The following KCND3 variants were observed in gnomAD, a reference collection of about 807,000 sequenced individuals.
The protein encoded by KCND3 is potassium voltage-gated channel subfamily D member 3, also known as A-type voltage-gated potassium channel KCND3.
In KCND3, 9 loss-of-function variants were observed where a neutral mutation model predicts 51.1. The ratio of observed to expected loss-of-function variants is 0.18; its 90% CI spans 0.11 to 0.31. The LOEUF is 0.31. KCND3 is among the 10% of genes least tolerant of loss of function. The pLI, the probability that KCND3 is intolerant of heterozygous loss-of-function variation, is 1.00. For synonymous variants in KCND3, 349 were observed against 368.0 expected (o/e 0.95, Z 0.59); for missense variants, 526 against 903.8 (o/e 0.58, Z 5.36).
Position 111,771,622 on chromosome 1 carries a change from AT to A in KCND3, c.*4454del, listed in dbSNP as rs1175658590. ...TTAAGTACATAATGTCCCAATGTAC[AT>A]TTTCCTTGTCTACAATCTAATAAGT... On this transcript the variant is annotated 3_prime_UTR_variant, in exon 8 of 8. Coordinates refer to ENST00000302127, the MANE Select transcript of KCND3 (RefSeq NM_001378969.1). 1.3e-5 allele frequency: 2 copies of A among 152,208 alleles called. No individual in the cohort carries two copies. The highest frequency in any genetic ancestry group is 4.8e-5 in the African/African-American group (2 of 41,458). 9.4% of individuals were successfully genotyped at this position (152,208 alleles called of 1,614,324 possible).
chr1:111,857,225 T>A (rs1260661845), intron 2 of KCND3, among the ~76,000 whole-genome samples: 1 of 152,204 alleles, frequency 6.6e-6, no homozygotes, highest in Non-Finnish European at 1.5e-5. Context: ...TCTAGGATCA[T>A]CATCGCGGTG....
At chr1:111,864,184 A>G (rs1254007724) in intron 2 of KCND3, among the ~76,000 whole-genome samples, 1 of 152,070 alleles carries the variant, frequency 6.6e-6, no homozygotes, top group Non-Finnish European at 1.5e-5. Context: ...GAAGAAGAGA[A>G]GAAGGACACA....
chr1:111,854,041 T>C (rs1667945881), intron 2 of KCND3: 1 of 152,142 alleles, frequency 6.6e-6, no homozygotes, highest in Admixed American at 6.5e-5. Flanking sequence ...GTTTGAAGGT[T>C]TTTTGAGCCT....
At chr1:111,911,388 T>C (rs1268663262) in intron 2 of KCND3, among the ~76,000 whole-genome samples, 2 of 152,210 alleles carry the variant, frequency 1.3e-5, no homozygotes, top group Non-Finnish European at 2.9e-5. Flanking sequence ...TGTTGGGGCC[T>C]GGAGACCCTA....
intron 2 of KCND3, among the ~76,000 whole-genome samples, chr1:111,822,611 G>A (rs374514712): frequency 6.6e-6 from 1 of 152,126 alleles, no homozygotes; most frequent in Non-Finnish European, 1.5e-5. Context: ...ATTAATCCAC[G>A]GATGAACACT....
chr1:111,897,302 C>T (rs1670166537), intron 2 of KCND3, among the ~76,000 whole-genome samples: 1 of 152,234 alleles, frequency 6.6e-6, no homozygotes, highest in Non-Finnish European at 1.5e-5. Flanking sequence ...GGAATCTTCC[C>T]CACCCTCTAT....
intron 2 of KCND3, among the ~76,000 whole-genome samples, chr1:111,853,430 AG>A (rs1444901522): frequency 2.6e-5 from 4 of 152,190 alleles, no homozygotes; most frequent in Non-Finnish European, 5.9e-5. Context: ...CTCTAGAACC[AG>A]AACAATCTGG....
At chr1:111,962,773 A>G (rs987389643) in intron 2 of KCND3, among the ~76,000 whole-genome samples, 1 of 152,190 alleles carries the variant, frequency 6.6e-6, no homozygotes. Context: ...CCACTGCGCA[A>G]TGTGATGTTG....
chr1:111,840,403 C>A (rs968776284), intron 2 of KCND3, among the ~76,000 whole-genome samples: 1 of 152,184 alleles, frequency 6.6e-6, no homozygotes, highest in East Asian at 1.9e-4. Context: ...GCATTCTTTG[C>A]GTCTTCATTG....
intron 2 of KCND3, among the ~76,000 whole-genome samples, chr1:111,916,576 C>T (rs972354016): frequency 9.9e-5 from 15 of 151,898 alleles, no homozygotes; most frequent in African/African-American, 2.7e-4. Context: ...GAGCAGAAGT[C>T]AATGAACAGA....
At chr1:111,897,235 A>G (rs1186506378) in intron 2 of KCND3, among the ~76,000 whole-genome samples, 1 of 152,172 alleles carries the variant, frequency 6.6e-6, no homozygotes, top group South Asian at 2.1e-4. Flanking sequence ...TGACAGTCCA[A>G]CAGTCCCAGG....
chr1:111,813,065 T>C (rs934295141), intron 2 of KCND3, among the ~76,000 whole-genome samples: 1 of 152,128 alleles, frequency 6.6e-6, no homozygotes, highest in African/African-American at 2.4e-5. Flanking sequence ...GGAATCCAAC[T>C]ATAGCCCCTA....
chr1:111,782,009 G>A (rs150615911), intron 3 of KCND3, among the ~76,000 whole-genome samples: 1 of 152,274 alleles, frequency 6.6e-6, no homozygotes, highest in Non-Finnish European at 1.5e-5. Context: ...GCTACTGGAA[G>A]CAGAACAGCC....
At chr1:111,927,098 C>G (rs186507729) in intron 2 of KCND3, among the ~76,000 whole-genome samples, 5 of 152,320 alleles carry the variant, frequency 3.3e-5, no homozygotes, top group African/African-American at 1.2e-4. Flanking sequence ...CATTATCTCC[C>G]CATTTGCTAG....
intron 2 of KCND3, among the ~76,000 whole-genome samples, chr1:111,788,927 A>G (rs1473471452): frequency 6.6e-6 from 1 of 152,240 alleles, no homozygotes; most frequent in Non-Finnish European, 1.5e-5. Flanking sequence ...TTAGCTAGGC[A>G]TTCTGAAAAC....
At chr1:111,972,954 A>C (rs1415674513) in intron 2 of KCND3, among the ~76,000 whole-genome samples, 5 of 152,238 alleles carry the variant, frequency 3.3e-5, no homozygotes, top group African/African-American at 1.2e-4. Flanking sequence ...AGAAGTAAAA[A>C]TAAACTAATG....
chr1:111,895,889 A>G (rs1670087156), intron 2 of KCND3, among the ~76,000 whole-genome samples: 1 of 152,246 alleles, frequency 6.6e-6, no homozygotes, highest in Non-Finnish European at 1.5e-5. Context: ...GGGCCACATC[A>G]AGTGTGGAAA....
intron 2 of KCND3, among the ~76,000 whole-genome samples, chr1:111,856,406 T>C (rs1000634114): frequency 4.6e-5 from 7 of 152,190 alleles, no homozygotes; most frequent in Non-Finnish European, 8.8e-5. Context: ...GAGGATAACA[T>C]GAGTGGAAGC....
chr1:111,866,491 C>G (rs1318830954), intron 2 of KCND3, among the ~76,000 whole-genome samples: 1 of 151,830 alleles, frequency 6.6e-6, no homozygotes, highest in East Asian at 1.9e-4. Context: ...TCTTGAATCC[C>G]TGAGCCCAAG....
Sources: gnomAD v4.1 joint callset for allele counts (sites outside exome capture counted in the v4.1 genomes callset) on GRCh38, gnomAD v4.1.1 for gene constraint, MANE v1.5 for transcripts, NCBI Gene and HGNC (gene_info 2026-07-23, HGNC 2026-07-21) for gene names.